Variants in SHOX observed in about 807,000 individuals in gnomAD.
SHOX encodes short stature homeobox protein.
Under a neutral mutation model 29.6 loss-of-function variants are expected in SHOX, and 12 were observed. That is an observed-to-expected ratio of 0.41 (90% CI 0.26 to 0.66). The LOEUF is 0.66. Among genes scored for constraint, SHOX ranks in the 30% least tolerant of loss-of-function variants. SHOX has a pLI of 0.35. For missense variants in SHOX, 499 were observed against 437.7 expected, an observed-to-expected ratio of 1.14 and a Z score of -1.25; for synonymous variants, 214 against 200.6, an observed-to-expected ratio of 1.07 and a Z score of -0.57.
intron 5 of SHOX, among the ~76,000 whole-genome samples, chrX:657,757 G>A (rs754760514): frequency 6.6e-5 from 10 of 152,186 alleles, no homozygotes; most frequent in Admixed American, 3.3e-4. Context: ...AAAATACGAC[G>A]TGCACACACA....
chrX:644,050 G>A (rs749981456), intron 4 of SHOX, among the ~76,000 whole-genome samples: 1 of 152,092 alleles, frequency 6.6e-6, no homozygotes, highest in East Asian at 1.9e-4. Flanking sequence ...GGGCTGGTTG[G>A]GGGAGAGAAC....
At chrX:630,470 A>T, upstream of SHOX, 1 of 257,522 alleles carries the variant, frequency 3.9e-6, no homozygotes, top group Non-Finnish European at 7.5e-6. Context: ...CTGCAGGAAA[A>T]CTGGAGTTTG....
At chrX:656,814 G>A (rs1248487679) in intron 5 of SHOX, among the ~76,000 whole-genome samples, 2 of 144,330 alleles carry the variant, frequency 1.4e-5, no homozygotes, top group Admixed American at 1.5e-4. Flanking sequence ...CTGCCCTCCA[G>A]CCTGGGCCAC....
downstream of SHOX, among the ~76,000 whole-genome samples, chrX:651,837 C>G (rs1013501132): frequency 2.0e-5 from 3 of 151,910 alleles, no homozygotes; most frequent in East Asian, 1.9e-4. Context: ...AACGTCCCCC[C>G]AGAAGGTGGC....
chrX:651,820 C>G (rs1249910032), downstream of SHOX, among the ~76,000 whole-genome samples: 3 of 151,998 alleles, frequency 2.0e-5, no homozygotes, highest in African/African-American at 4.8e-5. Context: ...CTCCCCGCTT[C>G]TCAGCCAACG....
upstream of SHOX, among the ~76,000 whole-genome samples, chrX:628,311 CTGTCTCTCCT>C (rs2052578566): frequency 6.6e-6 from 1 of 151,082 alleles, no homozygotes; most frequent in African/African-American, 2.4e-5. Context: ...ATCTCTTTCT[CTGTCTCTCCT>C]TGTCTCTCTC....
intron 2 of SHOX, among the ~76,000 whole-genome samples, chrX:638,472 G>A (rs2052795020): frequency 6.6e-6 from 1 of 152,104 alleles, no homozygotes; most frequent in South Asian, 2.1e-4. Context: ...GTCTGAAGGC[G>A]CCAGCTTTGG....
Position 636,970 on chromosome X carries a change from A to ATTTT in SHOX, c.486+2145_486+2148dup, listed in dbSNP as rs1251736014. Among the ~76,000 whole-genome samples, 368 of 137,342 alleles carry ATTTT rather than the reference A, an allele frequency of 2.7e-3. 8 individuals carry two copies. The highest frequency in any genetic ancestry group is 9.6e-3 in the African/African-American group (346 of 36,072). The allele number at this position is 137,342 out of a possible 152,430, so 90.1% of individuals were successfully genotyped here. On this transcript the variant is annotated intron_variant, in intron 2 of 4. Transcript: ENST00000686671. ...AAAATATATATATATATATATATATATTTTGGCTCCTGATTCTCTTCCGTC... is the reference window on the plus strand; with the variant it reads ...AAAATATATATATATATATATATATATTTTTTTTGGCTCCTGATTCTCTTCCGTC...
At chrX:641,837 G>A (rs188742025) in intron 4 of SHOX, among the ~76,000 whole-genome samples, 3 of 152,278 alleles carry the variant, frequency 2.0e-5, no homozygotes, top group African/African-American at 7.2e-5. Flanking sequence ...GGTTAAGAAG[G>A]GCGCAGATGC....
At chrX:635,139 G>C (rs954453756) in intron 2 of SHOX, among the ~76,000 whole-genome samples, 11 of 152,086 alleles carry the variant, frequency 7.2e-5, no homozygotes, top group Non-Finnish European at 1.2e-4. Flanking sequence ...TTCGTCCTTG[G>C]TGCAAAGACA....
intron 1 of SHOX, among the ~76,000 whole-genome samples, chrX:624,874 C>CA (rs2052481765): frequency 3.8e-5 from 1 of 26,332 alleles, no homozygotes; most frequent in African/African-American, 2.2e-4. Flanking sequence ...TTCTTTCTTT[C>CA]TTTCTTTCTT....
At chrX:658,749 C>T (rs967931719) in intron 5 of SHOX, 13 of 376,434 alleles carry the variant, frequency 3.5e-5, no homozygotes, top group East Asian at 1.8e-4. Flanking sequence ...GGACTACAGG[C>T]GTGAGCCACT....
upstream of SHOX, among the ~76,000 whole-genome samples, chrX:629,579 GTCTC>G (rs1201982005): frequency 6.6e-6 from 1 of 151,158 alleles, no homozygotes; most frequent in Non-Finnish European, 1.5e-5. Context: ...CTCCCTGTCT[GTCTC>G]TCTCTTTCTG....
At chrX:642,303 G>A (rs188624766) in intron 4 of SHOX, among the ~76,000 whole-genome samples, 2 of 152,080 alleles carry the variant, frequency 1.3e-5, no homozygotes, top group Non-Finnish European at 2.9e-5. Flanking sequence ...ACGGGCTTGG[G>A]GGGGGGGCTC....
At chrX:636,790 A>T (rs1055010823) in intron 2 of SHOX, among the ~76,000 whole-genome samples, 3 of 143,470 alleles carry the variant, frequency 2.1e-5, no homozygotes, top group Non-Finnish European at 3.0e-5. Context: ...TACATATAAA[A>T]ATATATATAT....
chrX:625,114 CTTTCTTTCTCTTTCTTT>C, intron 1 of SHOX, among the ~76,000 whole-genome samples: 1 of 132,620 alleles, frequency 7.5e-6, no homozygotes, highest in Admixed American at 8.4e-5. Context: ...TTTCTTCTTT[CTTTCTTTCTCTTTCTTT>C]TTTCTTTCTC....
rs779446897 is a variant in SHOX at position 644,498 on chromosome X, G to A, written c.741G>A (p.Gly247=). The part of the protein sequence containing the change: ...PYLMFPPPPF[G]LPIASLAESA... ...TGATGTTCCCCCCGCCGCCCTTCGG[G>A]CTGCCCATCGCGTCGCTGGCCGAGT... Residue 247 remains glycine, a synonymous_variant, in exon 5 of 5, where the codon GGG becomes GGA. Coordinates refer to ENST00000686671, the MANE Select transcript of SHOX (RefSeq NM_000451.4). 1.8e-5 allele frequency: 27 copies of A among 1,521,684 alleles called. No homozygotes were observed. Among genetic ancestry groups the A allele is most frequent in the Non-Finnish European group, 2.2e-5 (25 of 1,141,588 alleles). 94.3% of individuals were successfully genotyped at this position (1,521,684 alleles called of 1,614,324 possible).
upstream of SHOX, chrX:630,680 T>A: frequency 1.6e-6 from 1 of 621,774 alleles, no homozygotes; most frequent in East Asian, 2.7e-5. Flanking sequence ...ACAGCGTCTC[T>A]GCGTGCGTCC....
At position 634,706 on chromosome X, in the gene SHOX, C is replaced by G; in HGVS notation, c.366C>G (p.Thr122=). 3 of 1,613,840 alleles carry G rather than the reference C, an allele frequency of 1.9e-6. No individual in the cohort carries two copies. The highest frequency in any genetic ancestry group is 1.7e-6 in the Non-Finnish European group (2 of 1,179,846). The change falls in exon 2 of 5, where the codon ACC becomes ACG. Residue 122 remains threonine, a synonymous_variant. Transcript: ENST00000686671. The part of the protein sequence containing the change: ...QTKLKQRRSR[T]NFTLEQLNEL... ...AGCTGAAACAGAGGCGCAGCCGCAC[C>G]AACTTCACGCTGGAGCAGCTGAACG...
Sources: allele counts gnomAD v4.1 joint callset (sites outside exome capture counted in the v4.1 genomes callset), GRCh38; gene constraint gnomAD v4.1.1; transcripts MANE v1.5; gene names NCBI Gene and HGNC (gene_info 2026-07-23, HGNC 2026-07-21).